KCNQ1: variants seen among roughly 807,000 people sequenced by gnomAD.
KCNQ1 encodes potassium voltage-gated channel subfamily Q member 1.
Under a neutral mutation model 72.4 loss-of-function variants are expected in KCNQ1, and 49 were observed. That is an observed-to-expected ratio of 0.68 (90% CI 0.54 to 0.86). The LOEUF (loss-of-function observed/expected upper bound fraction) is 0.86. Among genes scored for constraint, KCNQ1 ranks in the 40% least tolerant of loss-of-function variants. The pLI, the probability that KCNQ1 is intolerant of heterozygous loss-of-function variation, is 0.00. For missense variants in KCNQ1, 790 were observed against 945.1 expected (o/e 0.84, Z 2.15); for synonymous variants, 450 against 412.6 (o/e 1.09, Z -1.10).
chr11:2,728,350 G>A (rs1845800233), intron 11 of KCNQ1, among the ~76,000 whole-genome samples: 1 of 152,238 alleles, frequency 6.6e-6, no homozygotes, highest in African/African-American at 2.4e-5. Context: ...GCCTGACCCG[G>A]CGCCAGCCCT....
At chr11:2,845,481 G>A (rs1039638536) in intron 15 of KCNQ1, among the ~76,000 whole-genome samples, 1 of 152,290 alleles carries the variant, frequency 6.6e-6, no homozygotes, top group Non-Finnish European at 1.5e-5. Flanking sequence ...GAGAGACCCC[G>A]GTGGATGGCC....
At chr11:2,686,578 T>G in intron 11 of KCNQ1, 1 of 398,686 alleles carries the variant, frequency 2.5e-6, no homozygotes, top group Non-Finnish European at 4.4e-6. Context: ...CTGTGGTGAC[T>G]AGAATGGCAG....
At position 2,621,023 on chromosome 11, in the gene KCNQ1, G is replaced by C. The variant is rs1272945594; in HGVS notation, c.1393+32169G>C. ...GAAAGAGTCTTGCTCTGTCTCCCAGGCTGGAGTGCAGTGGCGCAATCTCGG... is the reference window on the plus strand; with the variant it reads ...GAAAGAGTCTTGCTCTGTCTCCCAGCCTGGAGTGCAGTGGCGCAATCTCGG... On this transcript the variant is annotated intron_variant, in intron 10 of 15. Transcript: ENST00000155840. The surrounding 1 kb of genome is among the most constrained non-coding windows in gnomAD (Gnocchi z 5.7). 2.5e-6 allele frequency: 1 copy of C among 396,676 alleles called. No homozygotes were observed. Among genetic ancestry groups the C allele is most frequent in the Non-Finnish European group, 4.4e-6 (1 of 225,800 alleles). The allele number at this position is 396,676 out of a possible 1,614,324, so 24.6% of individuals were successfully genotyped here. A position where few individuals can be genotyped will look rare whatever the true frequency, so the allele number is the denominator to read the frequency against.
intron 1 of KCNQ1, among the ~76,000 whole-genome samples, chr11:2,496,598 C>T (rs1846925804): frequency 7.3e-6 from 1 of 136,152 alleles, no homozygotes; most frequent in Non-Finnish European, 1.5e-5. Context: ...AGATGGATCT[C>T]CTGAATAAAG....
chr11:2,788,229 TC>T (rs1846949628), intron 15 of KCNQ1, among the ~76,000 whole-genome samples: 2 of 151,880 alleles, frequency 1.3e-5, no homozygotes, highest in Admixed American at 6.6e-5. Flanking sequence ...CTCCCCAAGT[TC>T]CCCTGCCTCG....
rs79972789 is a variant in KCNQ1 at position 2,803,343 on chromosome 11, C to T, written c.1794+25306C>T. 1.3e-5 allele frequency among the ~76,000 whole-genome samples: 2 copies of T among 152,284 alleles called. No homozygotes were observed. The highest frequency in any genetic ancestry group is 6.5e-5 in the Admixed American group (1 of 15,304). On this transcript the variant is annotated intron_variant, in intron 15 of 15. Transcript: ENST00000155840. The surrounding 1 kb of genome is among the most constrained non-coding windows in gnomAD (Gnocchi z 6.4). ...GGTCAGCCTGGACGGTGGCAGGACT[C>T]GGCGAGGTGGGGATGGGGCTTGGAG... is the stretch of plus-strand genomic sequence containing the variant.
rs1846827773 is a variant in KCNQ1, at chr11:2,781,835, G to C, written c.1794+3798G>C. On this transcript the variant is annotated intron_variant, in intron 15 of 15. Transcript: ENST00000155840. The surrounding 1 kb of genome is among the most constrained non-coding windows in gnomAD (Gnocchi z 6.6). ...ACACAGGGGAGTCCTGGGTTTCCAT[G>C]CCGCAGTTCAGAAAGCGTTGGGCGG... Among the ~76,000 whole-genome samples the C allele has an allele frequency of 6.6e-6, 1 of 152,160 alleles. No homozygotes were observed.
At chr11:2,689,287 C>T in intron 11 of KCNQ1, 1 of 398,682 alleles carries the variant, frequency 2.5e-6, no homozygotes, top group Non-Finnish European at 4.4e-6. Context: ...AGATATCTCC[C>T]ACTCCAACCC....
chr11:2,754,287 G>A (rs1047345832), intron 11 of KCNQ1, among the ~76,000 whole-genome samples: 1 of 152,264 alleles, frequency 6.6e-6, no homozygotes, highest in East Asian at 1.9e-4. Flanking sequence ...GGCACAGGCA[G>A]TGGTGCCAGA....
chr11:2,768,847 G>A lies in KCNQ1; in HGVS notation c.1518G>A (p.Leu506=), dbSNP rs757726288. The change falls in exon 12 of 16, where the codon CTG becomes CTA. Residue 506 remains leucine, a synonymous_variant. Coordinates refer to ENST00000155840, the MANE Select transcript of KCNQ1 (RefSeq NM_000218.3). This position sits in a 1 kb window ranked among gnomAD's most constrained non-coding sequence, Gnocchi z 6.7. ...LLTPITHISQ[L]REHHRATIKV... ...TCCTCTCCTCTCTCCACTGCAGGCTGCGGGAACACCATCGGGCCACCATTA... is the reference window on the plus strand; with the variant it reads ...TCCTCTCCTCTCTCCACTGCAGGCTACGGGAACACCATCGGGCCACCATTA... 8 of 1,613,984 alleles carry A rather than the reference G, an allele frequency of 5.0e-6. No individual in the cohort carries two copies. The South Asian group carries it at 7.7e-5, about 16-fold the overall frequency.
chr11:2,569,996 A>T (rs765978027), intron 2 of KCNQ1, among the ~76,000 whole-genome samples: 24 of 152,178 alleles, frequency 1.6e-4, no homozygotes, highest in Non-Finnish European at 3.2e-4. Context: ...AGTGATCCAG[A>T]GGCTGCCCCT....
rs1850415499 is a variant in KCNQ1, at chr11:2,682,485, A to G, written c.1514+20404A>G. Reference sequence around the variant, plus strand: ...TCAGTGAATGTTTGACGAGTGAGTGAGTGAGTGAGTGAGTGAGTGAGTACT... The same window carrying G: ...TCAGTGAATGTTTGACGAGTGAGTGGGTGAGTGAGTGAGTGAGTGAGTACT... On this transcript the variant is annotated intron_variant, in intron 11 of 15. Coordinates refer to ENST00000155840, the MANE Select transcript of KCNQ1 (RefSeq NM_000218.3). The surrounding 1 kb of genome is among the most constrained non-coding windows in gnomAD (Gnocchi z 5.8). 1 of 397,918 alleles carries G rather than the reference A, an allele frequency of 2.5e-6. No homozygotes were observed. The highest frequency in any genetic ancestry group is 4.4e-6 in the Non-Finnish European group (1 of 225,960). The allele number at this position is 397,918 out of a possible 1,614,324, so 24.6% of individuals were successfully genotyped here.
rs1255050928 is a variant in KCNQ1 at position 2,745,212 on chromosome 11, C to T, written c.1515-23632C>T. ...ACTGGAAGTTTGCTTGGGATTGCCT[C>T]GAATTTGCAGGTTAAATTTGGGAAA... On this transcript the variant is annotated intron_variant, in intron 11 of 15. Transcript: ENST00000155840. This position sits in a 1 kb window ranked among gnomAD's most constrained non-coding sequence, Gnocchi z 6.2. Among the ~76,000 whole-genome samples the T allele has an allele frequency of 1.3e-5, 2 of 152,168 alleles. No homozygotes were observed. The highest frequency in any genetic ancestry group is 2.9e-5 in the Non-Finnish European group (2 of 68,040).
In KCNQ1 at chr11:2,498,391, A is replaced by G. The variant is rs1378556023; in HGVS notation, c.387-29537A>G. 6.6e-6 allele frequency among the ~76,000 whole-genome samples: 1 copy of G among 152,212 alleles called. No individual in the cohort carries two copies. Among genetic ancestry groups the G allele is most frequent in the Non-Finnish European group, 1.5e-5 (1 of 68,036 alleles). ...TCTTTCAGAGATGCCCTGCCCAGTG[A>G]GGAGGAATCTAGAGAAGCAGTCTGG... On this transcript the variant is annotated intron_variant, in intron 1 of 15. Coordinates refer to ENST00000155840, the MANE Select transcript of KCNQ1 (RefSeq NM_000218.3). The surrounding 1 kb of genome is among the most constrained non-coding windows in gnomAD (Gnocchi z 4.8).
At chr11:2,793,246 G>A (rs1847066259) in intron 15 of KCNQ1, among the ~76,000 whole-genome samples, 1 of 152,242 alleles carries the variant, frequency 6.6e-6, no homozygotes, top group South Asian at 2.1e-4. Flanking sequence ...TACTGAGAGG[G>A]ACCATATCCA....
rs1348022098 is a variant in KCNQ1 at position 2,508,383 on chromosome 11, G to A, written c.387-19545G>A. 6.6e-6 allele frequency among the ~76,000 whole-genome samples: 1 copy of A among 152,168 alleles called. No homozygotes were observed. Among genetic ancestry groups the A allele is most frequent in the African/African-American group, 2.4e-5 (1 of 41,424 alleles). ...GGCTTGGCAGGGCAAGCTTTGGGGAGCACTGTCCAGACAGTGCCCTGGACA... is the reference window on the plus strand; with the variant it reads ...GGCTTGGCAGGGCAAGCTTTGGGGAACACTGTCCAGACAGTGCCCTGGACA... On this transcript the variant is annotated intron_variant, in intron 1 of 15. Coordinates refer to ENST00000155840, the MANE Select transcript of KCNQ1 (RefSeq NM_000218.3). The surrounding 1 kb of genome is among the most constrained non-coding windows in gnomAD (Gnocchi z 6.2).
chr11:2,643,107 T>C (rs890358493), intron 10 of KCNQ1: 3 of 398,094 alleles, frequency 7.5e-6, no homozygotes, highest in Admixed American at 4.4e-5. Flanking sequence ...GAGTGTTCCA[T>C]GTACTGATGA....
chr11:2,682,098 C>T lies in KCNQ1; in HGVS notation c.1514+20017C>T. ...GAGTCTAGGGCCCAGGGTCACAAAG[C>T]TAGGGAGCCGTGGATCTGCAGGAGA... On this transcript the variant is annotated intron_variant, in intron 11 of 15. Transcript: ENST00000155840. This position sits in a 1 kb window ranked among gnomAD's most constrained non-coding sequence, Gnocchi z 5.8. 2.5e-6 allele frequency: 1 copy of T among 398,588 alleles called. No homozygotes were observed. Among genetic ancestry groups the T allele is most frequent in the Non-Finnish European group, 4.4e-6 (1 of 226,076 alleles). The allele number at this position is 398,588 out of a possible 1,614,324, so 24.7% of individuals were successfully genotyped here.
rs231361 is a variant in KCNQ1, at chr11:2,670,270, G to A, written c.1514+8189G>A. 125,619 of 398,378 alleles carry A rather than the reference G, an allele frequency of 0.32. 24,592 individuals are homozygous for A. Among genetic ancestry groups the A allele is most frequent in the East Asian group, 0.83 (23,282 of 28,068 alleles). The allele number at this position is 398,378 out of a possible 1,614,324, so 24.7% of individuals were successfully genotyped here. A position where few individuals can be genotyped will look rare whatever the true frequency, so the allele number is the denominator to read the frequency against. On this transcript the variant is annotated intron_variant, in intron 11 of 15. Coordinates refer to ENST00000155840, the MANE Select transcript of KCNQ1 (RefSeq NM_000218.3). This position sits in a 1 kb window ranked among gnomAD's most constrained non-coding sequence, Gnocchi z 4.9. ...CGGGCGAGGGAAGAGGACCATGGTAGCTTGTCTCTAGGCAACCCATAGGTG... is the reference window on the plus strand; with the variant it reads ...CGGGCGAGGGAAGAGGACCATGGTAACTTGTCTCTAGGCAACCCATAGGTG...
Sources: allele counts gnomAD v4.1 joint callset (sites outside exome capture counted in the v4.1 genomes callset), GRCh38; gene constraint gnomAD v4.1.1; non-coding constraint Gnocchi (gnomAD v3.1); transcripts MANE v1.5; gene names NCBI Gene and HGNC (gene_info 2026-07-23, HGNC 2026-07-21).